The following PCDHA10 variants were observed in gnomAD, a reference collection of about 807,000 sequenced individuals.
The protein encoded by PCDHA10 is protocadherin alpha 10.
In PCDHA10, 45 loss-of-function variants were observed where a neutral mutation model predicts 61.2. That is an observed-to-expected ratio of 0.74 (90% confidence interval 0.58 to 0.94). PCDHA10 has a LOEUF of 0.94. Among genes scored for constraint, PCDHA10 ranks in the 40% least tolerant of loss-of-function variants. The pLI, the probability that PCDHA10 is intolerant of heterozygous loss-of-function variation, is 0.00. For synonymous variants in PCDHA10, 602 were observed against 548.8 expected (o/e 1.10, Z -1.35); for missense variants, 1,278 against 1,236.2 (o/e 1.03, Z -0.51).
At chr5:140,876,166 G>A (rs1554168317) in intron 1 of PCDHA10, 4 of 1,613,964 alleles carry the variant, frequency 2.5e-6, no homozygotes, top group Middle Eastern at 3.3e-4. Flanking sequence ...TCAAATAACC[G>A]TCCTGGATGT....
At chr5:140,915,258 A>T (rs2077046977) in intron 1 of PCDHA10, among the ~76,000 whole-genome samples, 1 of 151,928 alleles carries the variant, frequency 6.6e-6, no homozygotes, top group South Asian at 2.1e-4. Context: ...GGTTGTTATT[A>T]TTTTTGACCA....
Position 140,883,341 on chromosome 5 carries a change from C to A in PCDHA10, c.2388+24905C>A, listed in dbSNP as rs144000682. The A allele has an allele frequency of 4.3e-5, 70 of 1,614,144 alleles. No homozygotes were observed. The African/African-American group carries it at 9.1e-4, about 21-fold the overall frequency. The stretch of plus-strand genomic sequence containing the variant: ...GTTACCATCACTTCTTTGTCACTCC[C>A]CATCAGAGAAGACACTCAGCCTAGC... On this transcript the variant is annotated intron_variant, in intron 1 of 3. Transcript: ENST00000307360.
At chr5:140,927,630 A>C in intron 1 of PCDHA10, 1 of 1,614,182 alleles carries the variant, frequency 6.2e-7, no homozygotes, top group Non-Finnish European at 8.5e-7. Context: ...CAGAGACTGC[A>C]CCCAATGGGA....
chr5:140,906,262 A>AAT (rs2072503500), intron 1 of PCDHA10, among the ~76,000 whole-genome samples: 2 of 152,306 alleles, frequency 1.3e-5, no homozygotes, highest in African/African-American at 4.8e-5. Flanking sequence ...CACCTCCTGA[A>AAT]ATTATAGATA....
At chr5:141,003,968 G>A (rs1262948428) in intron 3 of PCDHA10, among the ~76,000 whole-genome samples, 1 of 152,148 alleles carries the variant, frequency 6.6e-6, no homozygotes, top group Non-Finnish European at 1.5e-5. Flanking sequence ...GGAGCATAAG[G>A]GAGGGGACTT....
intron 1 of PCDHA10, chr5:140,877,677 C>T (rs1554169970): frequency 6.2e-7 from 1 of 1,613,678 alleles, no homozygotes. Context: ...GCGCGCCGGG[C>T]AAGCCCACGC....
chr5:140,927,078 C>T, intron 1 of PCDHA10: 1 of 1,611,014 alleles, frequency 6.2e-7, no homozygotes, highest in Non-Finnish European at 8.5e-7. Context: ...CCAGCCACCG[C>T]GAGCTCTACT....
chr5:140,966,149 G>C (rs1347243484), intron 1 of PCDHA10: 1 of 167,682 alleles, frequency 6.0e-6, no homozygotes, highest in Non-Finnish European at 1.3e-5. Flanking sequence ...TTCCTGAATT[G>C]CGCTTGGAGA....
intron 1 of PCDHA10, among the ~76,000 whole-genome samples, chr5:140,880,559 G>A (rs929072104): frequency 2.0e-5 from 3 of 152,224 alleles, no homozygotes; most frequent in Non-Finnish European, 4.4e-5. Context: ...TGGAAATGAG[G>A]TTGAGAATTT....
intron 1 of PCDHA10, among the ~76,000 whole-genome samples, chr5:140,899,285 A>T (rs2067252506): frequency 6.6e-6 from 1 of 152,132 alleles, no homozygotes; most frequent in African/African-American, 2.4e-5. Context: ...CAAAGGGAAT[A>T]CTTCCAGTTT....
Position 140,917,330 on chromosome 5 carries a change from A to AG in PCDHA10, c.2388+58902dup, listed in dbSNP as rs1425400137. Among the ~76,000 whole-genome samples the AG allele has an allele frequency of 2.5e-4, 26 of 103,228 alleles. 2 individuals carry two copies. The highest frequency in any genetic ancestry group is 3.2e-4 in the East Asian group (1 of 3,132). The allele number at this position is 103,228 out of a possible 152,430, so 67.7% of individuals were successfully genotyped here. On this transcript the variant is annotated intron_variant, in intron 1 of 3. Coordinates refer to ENST00000307360, the MANE Select transcript of PCDHA10 (RefSeq NM_018901.4). Reference sequence around the variant, plus strand: ...CAATTTGGTGTTCATGTGGCGGGGGAGGGGGGGGATGGTGTAGGCTTCTGT... The same window carrying AG: ...CAATTTGGTGTTCATGTGGCGGGGGAGGGGGGGGGATGGTGTAGGCTTCTGT...
chr5:140,994,988 A>G (rs781915746), intron 3 of PCDHA10, among the ~76,000 whole-genome samples: 3 of 152,166 alleles, frequency 2.0e-5, no homozygotes, highest in Non-Finnish European at 4.4e-5. Flanking sequence ...ACCCACTAGA[A>G]GGTTAGTTGG....
intron 3 of PCDHA10, among the ~76,000 whole-genome samples, chr5:140,997,125 A>C (rs2097760835): frequency 6.6e-6 from 1 of 152,072 alleles, no homozygotes; most frequent in Admixed American, 6.6e-5. Context: ...CCACATACAC[A>C]ATGCCCCCAC....
chr5:140,857,702 G>A lies in PCDHA10; in HGVS notation c.1654G>A (p.Val552Met). 1.3e-6 allele frequency: 2 copies of A among 1,597,414 alleles called. No homozygotes were observed. Among genetic ancestry groups the A allele is most frequent in the East Asian group, 2.2e-5 (1 of 44,820 alleles). ...PPLGSNLTLQ[V>M]FVLDENDNAP... ...TCTGGGCAGCAACTTGACGCTGCAG[G>A]TGTTCGTGCTGGACGAGAACGACAA... is the stretch of plus-strand genomic sequence containing the variant. Residue 552 changes from valine (V) to methionine (M), a missense_variant, in exon 1 of 4, where the codon GTG (valine) becomes ATG (methionine). Val to Met is a conservative substitution (Grantham distance 21). Coordinates refer to ENST00000307360, the MANE Select transcript of PCDHA10 (RefSeq NM_018901.4).
At chr5:140,978,520 C>T (rs2096807249) in intron 1 of PCDHA10, among the ~76,000 whole-genome samples, 1 of 152,214 alleles carries the variant, frequency 6.6e-6, no homozygotes, top group Non-Finnish European at 1.5e-5. Flanking sequence ...GCAGTCCAGC[C>T]AGGCCAGCAG....
At chr5:140,927,674 A>C (rs201769803) in intron 1 of PCDHA10, 1 of 1,614,182 alleles carries the variant, frequency 6.2e-7, no homozygotes, top group Admixed American at 1.7e-5. Flanking sequence ...TTGGATCCAG[A>C]TGAAGGGTCC....
At chr5:140,956,356 T>C (rs1283114496) in intron 1 of PCDHA10, among the ~76,000 whole-genome samples, 3 of 152,218 alleles carry the variant, frequency 2.0e-5, no homozygotes, top group Non-Finnish European at 4.4e-5. Flanking sequence ...ATTTTTAACA[T>C]GAAGGGATGT....
chr5:140,974,043 TATG>T (rs1554235772), intron 1 of PCDHA10, among the ~76,000 whole-genome samples: 1 of 152,238 alleles, frequency 6.6e-6, no homozygotes, highest in Non-Finnish European at 1.5e-5. Flanking sequence ...AGCTTATTAA[TATG>T]ATAATATTTG....
chr5:140,968,022 A>G (rs782399233), intron 1 of PCDHA10: 3 of 1,614,142 alleles, frequency 1.9e-6, no homozygotes, highest in South Asian at 2.2e-5. Flanking sequence ...GGAAACTCCT[A>G]TACACTGGTG....
Sources: allele counts gnomAD v4.1 joint callset (sites outside exome capture counted in the v4.1 genomes callset), GRCh38; gene constraint gnomAD v4.1.1; transcripts MANE v1.5; gene names NCBI Gene and HGNC (gene_info 2026-07-23, HGNC 2026-07-21).